PLOD1: variants seen among roughly 807,000 people sequenced by gnomAD.
PLOD1 encodes the protein lysine hydroxylase.
PLOD1 carries 70 observed loss-of-function variants against 94.7 expected under a neutral mutation model. The observed-to-expected ratio is 0.74, with a 90% CI of 0.61 to 0.90. PLOD1 has a LOEUF of 0.90. PLOD1 is among the 40% of genes least tolerant of loss of function. PLOD1 has a pLI of 0.00. For synonymous variants in PLOD1, 417 were observed against 400.2 expected (o/e 1.04, Z -0.50); for missense variants, 905 against 972.7 (o/e 0.93, Z 0.93).
At chr1:11,936,197 A>C (rs1645577162) in intron 1 of PLOD1, among the ~76,000 whole-genome samples, 1 of 151,968 alleles carries the variant, frequency 6.6e-6, no homozygotes, top group African/African-American at 2.4e-5. Context: ...GGTGGTCCAG[A>C]CAGAGGTGGT....
At position 11,958,628 on chromosome 1, in the gene PLOD1, G is replaced by T. The variant is rs749535965; in HGVS notation, c.956G>T (p.Arg319Leu). Residue 319 changes from arginine to leucine, a missense_variant, in exon 9 of 19, where the codon CGA becomes CTA. Physicochemically the swap from Arg to Leu is moderately radical, Grantham distance 102. Coordinates refer to ENST00000196061, the MANE Select transcript of PLOD1 (RefSeq NM_000302.4). The surrounding 1 kb of genome is among the most constrained non-coding windows in gnomAD (Gnocchi z 4.3). The stretch of plus-strand genomic sequence containing the variant: ...CTCCACTACCCCCAGAAACACATGC[G>T]ACTTTTCATCCACAACCACGTGAGT... ...LRLHYPQKHM[R>L]LFIHNHEQHH... 20 of 1,613,996 alleles carry T rather than the reference G, an allele frequency of 1.2e-5. No individual in the cohort carries two copies. The South Asian group carries it at 2.1e-4, about 17-fold the overall frequency.
At chr1:11,950,889 G>A (rs751539135) in intron 4 of PLOD1, among the ~76,000 whole-genome samples, 4 of 152,156 alleles carry the variant, frequency 2.6e-5, no homozygotes, top group Non-Finnish European at 2.9e-5. Context: ...CGCCTCTTGG[G>A]CTCAAGCAAT....
chr1:11,954,120 C>G (rs961088196), intron 5 of PLOD1, among the ~76,000 whole-genome samples: 1 of 150,558 alleles, frequency 6.6e-6, no homozygotes, highest in Non-Finnish European at 1.5e-5. Flanking sequence ...TCTGCCTCAG[C>G]CTCCCAAAGT....
chr1:11,945,649 C>A (rs1305289482), intron 1 of PLOD1, among the ~76,000 whole-genome samples: 2 of 152,120 alleles, frequency 1.3e-5, no homozygotes, highest in African/African-American at 2.4e-5. Context: ...GCCTTGAATG[C>A]CAGGCCAAGG....
At chr1:11,952,289 C>A (rs994544034) in intron 4 of PLOD1, among the ~76,000 whole-genome samples, 4 of 152,246 alleles carry the variant, frequency 2.6e-5, no homozygotes, top group Admixed American at 1.3e-4. Flanking sequence ...GGACACCAGG[C>A]CTGTATCCTC....
intron 9 of PLOD1, 24 bp from the exon 10 acceptor site, chr1:11,960,621 TC>T (rs1557493602): frequency 2.5e-6 from 3 of 1,177,858 alleles, no homozygotes; most frequent in Non-Finnish European, 3.8e-6. Flanking sequence ...CACCCCCGCA[TC>T]CCCTTCCCCA....
At chr1:11,940,248 C>G (rs779665977) in intron 1 of PLOD1, among the ~76,000 whole-genome samples, 6 of 152,186 alleles carry the variant, frequency 3.9e-5, no homozygotes, top group Non-Finnish European at 1.5e-5. Flanking sequence ...GTCTTGAACT[C>G]AGGGCCTCAA....
At chr1:11,973,142 A>T in intron 18 of PLOD1, 145 bp downstream of exon 18, 2 of 827,134 alleles carry the variant, frequency 2.4e-6, no homozygotes, top group Non-Finnish European at 3.9e-6. Context: ...GGTCTGTGGG[A>T]GGGCTTCCTG....
chr1:11,939,367 G>A (rs539669989), intron 1 of PLOD1, among the ~76,000 whole-genome samples: 1 of 152,250 alleles, frequency 6.6e-6, no homozygotes, highest in African/African-American at 2.4e-5. Flanking sequence ...GATGGGGGAG[G>A]GGAGAGGGCG....
chr1:11,944,232 C>CAA (rs553000557), intron 1 of PLOD1, among the ~76,000 whole-genome samples: 1,574 of 140,502 alleles, frequency 0.011, 23 homozygotes, highest in African/African-American at 0.039. Context: ...GACTCTGTCT[C>CAA]AAAAAAAAAA....
chr1:11,950,827 T>G (rs1259874700), intron 4 of PLOD1, among the ~76,000 whole-genome samples: 1 of 151,980 alleles, frequency 6.6e-6, no homozygotes, highest in Non-Finnish European at 1.5e-5. Flanking sequence ...GGCATCTCAG[T>G]CTGTTGCCCA....
At chr1:11,952,542 A>G in intron 4 of PLOD1, 81 bp from the exon 5 acceptor site, 1 of 960,752 alleles carries the variant, frequency 1.0e-6, no homozygotes, top group Non-Finnish European at 1.7e-6. Context: ...GGTGGATAAG[A>G]GGGAAGGGTG....
intron 12 of PLOD1, 83 bp from the exon 13 acceptor site, chr1:11,964,561 A>G: frequency 7.2e-7 from 1 of 1,387,060 alleles, no homozygotes; most frequent in Middle Eastern, 1.8e-4. Context: ...CCAGGCTATG[A>G]CTCCCCACCA....
chr1:11,941,998 T>C (rs1295675984), intron 1 of PLOD1, among the ~76,000 whole-genome samples: 1 of 151,448 alleles, frequency 6.6e-6, no homozygotes, highest in Non-Finnish European at 1.5e-5. Flanking sequence ...TTTTTTTTTT[T>C]TTGAGACAGA....
intron 16 of PLOD1, among the ~76,000 whole-genome samples, chr1:11,969,945 A>G (rs1160798056): frequency 6.6e-6 from 1 of 151,852 alleles, no homozygotes; most frequent in African/African-American, 2.4e-5. Context: ...CATCTCTACA[A>G]AGAATAAAAT....
At chr1:11,941,324 C>A (rs1401648171) in intron 1 of PLOD1, among the ~76,000 whole-genome samples, 1 of 151,912 alleles carries the variant, frequency 6.6e-6, no homozygotes, top group African/African-American at 2.4e-5. Context: ...TACAAAAGTA[C>A]CTTCCATGTT....
Position 11,957,017 on chromosome 1 carries a change from A to T in PLOD1, c.741+3A>T. 2.5e-6 allele frequency: 4 copies of T among 1,600,118 alleles called. No homozygotes were observed. The highest frequency in any genetic ancestry group is 3.4e-6 in the Non-Finnish European group (4 of 1,167,374). On this transcript the variant is annotated splice_donor_region_variant and intron_variant, in intron 7 of 18. Transcript: ENST00000196061. This position sits in a 1 kb window ranked among gnomAD's most constrained non-coding sequence, Gnocchi z 4.1. ...TCCATGGCAACGGGCCAACCAAGGT[A>T]GGGGGTCCCCAGCCCCTGGGGAGTG...
At chr1:11,951,963 T>G (rs1478728532) in intron 4 of PLOD1, among the ~76,000 whole-genome samples, 2 of 152,194 alleles carry the variant, frequency 1.3e-5, no homozygotes, top group Non-Finnish European at 2.9e-5. Flanking sequence ...ACACATCACT[T>G]AATGACTTTC....
At chr1:11,951,566 T>C (rs1245612566) in intron 4 of PLOD1, among the ~76,000 whole-genome samples, 1 of 133,780 alleles carries the variant, frequency 7.5e-6, no homozygotes, top group South Asian at 2.1e-4. Flanking sequence ...AAATAAAAAA[T>C]AATACTATAT....
Sources: gnomAD v4.1 joint callset for allele counts (sites outside exome capture counted in the v4.1 genomes callset) on GRCh38, gnomAD v4.1.1 for gene constraint, Gnocchi (gnomAD v3.1) non-coding constraint, MANE v1.5 for transcripts, NCBI Gene and HGNC (gene_info 2026-07-23, HGNC 2026-07-21) for gene names.